CAST: variants seen among roughly 807,000 people sequenced by gnomAD.
CAST encodes calpastatin.
Under a neutral mutation model 119.6 loss-of-function variants are expected in CAST, and 76 were observed. The observed-to-expected ratio is 0.64, with a 90% CI of 0.53 to 0.77. CAST has a LOEUF of 0.77. Ranked by LOEUF, CAST falls within the 30% of genes least tolerant of loss-of-function variation. The pLI, the probability that CAST is intolerant of heterozygous loss-of-function variation, is 0.00. For synonymous variants in CAST, 319 were observed against 331.6 expected (o/e 0.96, Z 0.41); for missense variants, 953 against 946.5 (o/e 1.01, Z -0.09).
At chr5:96,662,137 G>T, upstream of CAST, 1 of 363,096 alleles carries the variant, frequency 2.8e-6, no homozygotes, top group Non-Finnish European at 4.9e-6. Context: ...CGGGACCAGA[G>T]CAGTGCTGGG....
chr5:96,419,239 TATAG>T, the CAST span, among the ~76,000 whole-genome samples: 1 of 151,024 alleles, frequency 6.6e-6, no homozygotes, highest in Non-Finnish European at 1.5e-5. Flanking sequence ...CAGATATAGA[TATAG>T]ATAAATAATC....
chr5:96,088,741 T>G, the CAST span, among the ~76,000 whole-genome samples: 12 of 152,314 alleles, frequency 7.9e-5, no homozygotes, highest in African/African-American at 2.9e-4. Flanking sequence ...CTCTCTTTAG[T>G]GTTAGGTTTC....
the CAST span, among the ~76,000 whole-genome samples, chr5:96,001,175 G>T: frequency 6.9e-3 from 1,051 of 152,230 alleles, 11 homozygotes; most frequent in African/African-American, 0.023. Context: ...AACATTTATT[G>T]AGTACTCACT....
the CAST span, among the ~76,000 whole-genome samples, chr5:96,155,327 G>A: frequency 7.9e-5 from 12 of 152,086 alleles, no homozygotes; most frequent in Non-Finnish European, 1.5e-4. Flanking sequence ...GATGGTCCCC[G>A]CCCATCATGC....
chr5:96,740,099 A>AT lies in CAST; in HGVS notation c.860_861insT (p.Lys287AsnfsTer3). Reference sequence around the variant, plus strand: ...AAAAGAGAAGTCACAATTCCTCCAAAATATAGGGAACTATTGGCTGTAAGT... The same window carrying AT: ...AAAAGAGAAGTCACAATTCCTCCAAATATATAGGGAACTATTGGCTGTAAGT... On this transcript the variant is annotated frameshift_variant, in exon 12 of 32. Transcript: ENST00000675179. LOFTEE classifies it high-confidence loss of function. The AT allele has an allele frequency of 6.6e-7, 1 of 1,523,330 alleles. No homozygotes were observed. The highest frequency in any genetic ancestry group is 9.0e-7 in the Non-Finnish European group (1 of 1,106,284). The allele number at this position is 1,523,330 out of a possible 1,614,324, so 94.4% of individuals were successfully genotyped here.
the CAST span, among the ~76,000 whole-genome samples, chr5:96,309,601 T>A: frequency 1.9e-4 from 29 of 152,228 alleles, no homozygotes; most frequent in Non-Finnish European, 2.6e-4. Flanking sequence ...GTAGGGAATC[T>A]CCTGGTCTGC....
the CAST span, among the ~76,000 whole-genome samples, chr5:96,143,175 CAA>C: frequency 6.6e-6 from 1 of 152,106 alleles, no homozygotes; most frequent in Admixed American, 6.5e-5. Flanking sequence ...TATATATAAA[CAA>C]TATTTATAAG....
At chr5:96,583,978 T>C (rs1226748895) in intron 1 of CAST, among the ~76,000 whole-genome samples, 1 of 152,164 alleles carries the variant, frequency 6.6e-6, no homozygotes, top group Non-Finnish European at 1.5e-5. Context: ...GACGCCAAGA[T>C]TTATTAATGT....
intron 1 of CAST, among the ~76,000 whole-genome samples, chr5:96,555,766 G>A (rs966681629): frequency 6.6e-6 from 1 of 152,310 alleles, no homozygotes; most frequent in Admixed American, 6.5e-5. Flanking sequence ...GCTCAAGGAG[G>A]CCTGCCTGCC....
the CAST span, chr5:96,392,100 C>G: frequency 6.6e-6 from 1 of 151,936 alleles, no homozygotes; most frequent in African/African-American, 2.4e-5. Context: ...TACATTAGGT[C>G]TCCATGTGAT....
the CAST span, among the ~76,000 whole-genome samples, chr5:96,416,908 A>G: frequency 6.6e-6 from 1 of 152,242 alleles, no homozygotes; most frequent in African/African-American, 2.4e-5. Context: ...TGAGGATGAT[A>G]ATTGTCTTTT....
chr5:96,106,248 T>G, the CAST span, among the ~76,000 whole-genome samples: 4 of 152,220 alleles, frequency 2.6e-5, no homozygotes, highest in African/African-American at 9.6e-5. Context: ...TTTTAGTTAT[T>G]TCTTGCCTTC....
At chr5:96,577,914 A>T (rs758055656) in intron 1 of CAST, among the ~76,000 whole-genome samples, 6 of 152,080 alleles carry the variant, frequency 3.9e-5, no homozygotes, top group East Asian at 1.9e-4. Flanking sequence ...CCATATATAT[A>T]TTTTTTGACA....
chr5:96,560,189 T>G (rs1221759990), intron 1 of CAST, among the ~76,000 whole-genome samples: 2 of 152,036 alleles, frequency 1.3e-5, no homozygotes, highest in Non-Finnish European at 2.9e-5. Context: ...TCCTTACACC[T>G]TATACAAAAA....
chr5:96,171,542 A>G, the CAST span, among the ~76,000 whole-genome samples: 1 of 152,232 alleles, frequency 6.6e-6, no homozygotes, highest in African/African-American at 2.4e-5. Context: ...TCAGACACCA[A>G]TGAAACGTGG....
chr5:96,294,452 A>G, the CAST span, among the ~76,000 whole-genome samples: 1 of 152,224 alleles, frequency 6.6e-6, no homozygotes, highest in African/African-American at 2.4e-5. Context: ...TTTGACTAGC[A>G]TGGGTCCACC....
the CAST span, among the ~76,000 whole-genome samples, chr5:96,297,928 C>CT: frequency 4.6e-5 from 7 of 152,222 alleles, no homozygotes; most frequent in South Asian, 1.2e-3. Flanking sequence ...CTCCTATGGT[C>CT]TTTTTTGTGG....
intron 1 of CAST, among the ~76,000 whole-genome samples, chr5:96,560,424 A>G (rs1174003660): frequency 5.9e-5 from 9 of 151,572 alleles, no homozygotes; most frequent in African/African-American, 1.7e-4. Flanking sequence ...CAGGCAACCT[A>G]CAAAATGGGA....
the CAST span, chr5:95,970,251 A>G: frequency 2.6e-5 from 4 of 152,228 alleles, no homozygotes; most frequent in African/African-American, 9.6e-5. Context: ...AGAAAAGGCC[A>G]TTCACTGTTG....
Sources: gnomAD v4.1 joint callset for allele counts (sites outside exome capture counted in the v4.1 genomes callset) on GRCh38, gnomAD v4.1.1 for gene constraint, MANE v1.5 for transcripts, NCBI Gene and HGNC (gene_info 2026-07-23, HGNC 2026-07-21) for gene names.